Variants in IL23R observed in about 807,000 individuals in gnomAD.
IL23R encodes interleukin 23 receptor.
Under a neutral mutation model 56.9 loss-of-function variants are expected in IL23R, and 34 were observed. The observed-to-expected ratio is 0.60, with a 90% CI of 0.45 to 0.80. The LOEUF is 0.80. Among genes scored for constraint, IL23R ranks in the 30% least tolerant of loss-of-function variants. The probability of loss-of-function intolerance (pLI) is 0.00; values close to 1 mark genes in which losing one functional copy is unlikely to be tolerated. For missense variants in IL23R, 635 were observed against 730.0 expected, an observed-to-expected ratio of 0.87 and a Z score of 1.50; for synonymous variants, 230 against 249.2, an observed-to-expected ratio of 0.92 and a Z score of 0.73.
chr1:67,231,670 G>A (rs1030555272), intron 7 of IL23R, among the ~76,000 whole-genome samples: 6 of 152,104 alleles, frequency 3.9e-5, no homozygotes, highest in African/African-American at 1.4e-4. Context: ...ACATTAACTA[G>A]CCATAGCATG....
chr1:67,176,125 A>G (rs936892624), intron 3 of IL23R, among the ~76,000 whole-genome samples: 3 of 152,136 alleles, frequency 2.0e-5, no homozygotes, highest in Admixed American at 1.3e-4. Context: ...CTTAGCAACA[A>G]TGGTTTTGGT....
chr1:67,233,115 G>A lies in IL23R; in HGVS notation c.956-3598G>A, dbSNP rs185130926. ...TGTAATCCCAGCATTTTGGGAGGCT[G>A]AAGCAGGTGGATCACCTGAGGTCAG... On this transcript the variant is annotated intron_variant, in intron 7 of 10. Coordinates refer to ENST00000347310, the MANE Select transcript of IL23R (RefSeq NM_144701.3). Among the ~76,000 whole-genome samples, 147 of 143,040 alleles carry A rather than the reference G, an allele frequency of 1.0e-3. 1 individual carries two copies. Among genetic ancestry groups the A allele is most frequent in the African/African-American group, 3.7e-3 (142 of 38,662 alleles). The allele number at this position is 143,040 out of a possible 152,430, so 93.8% of individuals were successfully genotyped here.
chr1:67,220,743 C>G (rs937069878), intron 7 of IL23R, among the ~76,000 whole-genome samples: 1 of 152,170 alleles, frequency 6.6e-6, no homozygotes, highest in East Asian at 1.9e-4. Flanking sequence ...TGGTGGCCCA[C>G]GCCCATAGTC....
intron 9 of IL23R, among the ~76,000 whole-genome samples, chr1:67,245,543 C>A (rs993943190): frequency 3.3e-5 from 5 of 152,052 alleles, no homozygotes; most frequent in Admixed American, 2.6e-4. Context: ...TGTCAAAGGC[C>A]TTTTCTGCAT....
At chr1:67,244,150 T>C (rs1007131369) in intron 9 of IL23R, among the ~76,000 whole-genome samples, 2 of 152,158 alleles carry the variant, frequency 1.3e-5, no homozygotes, top group African/African-American at 4.8e-5. Context: ...CACTTTTTGA[T>C]GGGTTGGTTT....
At chr1:67,193,940 C>T (rs1025026519) in intron 4 of IL23R, among the ~76,000 whole-genome samples, 4 of 152,112 alleles carry the variant, frequency 2.6e-5, no homozygotes, top group Non-Finnish European at 4.4e-5. Flanking sequence ...TTTGACCAAC[C>T]GGCTAAAAAT....
intron 7 of IL23R, among the ~76,000 whole-genome samples, chr1:67,220,942 C>T (rs1020143589): frequency 6.6e-6 from 1 of 152,186 alleles, no homozygotes; most frequent in Admixed American, 6.5e-5. Flanking sequence ...GTCGAGAATG[C>T]AGTGAGCCAC....
chr1:67,156,333 T>A (rs1426668033), intron 1 of IL23R, among the ~76,000 whole-genome samples: 6 of 152,140 alleles, frequency 3.9e-5, no homozygotes, highest in Non-Finnish European at 8.8e-5. Flanking sequence ...GCTGGGAGAA[T>A]TCCTTTTGTC....
At chr1:67,153,026 GC>G (rs2102535164) in intron 1 of IL23R, among the ~76,000 whole-genome samples, 1 of 152,256 alleles carries the variant, frequency 6.6e-6, no homozygotes, top group South Asian at 2.1e-4. Context: ...AGGAATGGTA[GC>G]AGCTCCTCTT....
intron 1 of IL23R, among the ~76,000 whole-genome samples, chr1:67,146,447 G>C (rs1393851769): frequency 3.3e-5 from 5 of 152,150 alleles, no homozygotes; most frequent in Non-Finnish European, 5.9e-5. Context: ...CTGTGAAACA[G>C]CCTTTAATAT....
chr1:67,218,729 G>A (rs1023545417), intron 6 of IL23R, among the ~76,000 whole-genome samples: 1 of 151,774 alleles, frequency 6.6e-6, no homozygotes, highest in African/African-American at 2.4e-5. Context: ...ACCAGCCTGG[G>A]CAATATAATG....
intron 6 of IL23R, among the ~76,000 whole-genome samples, chr1:67,210,668 G>A (rs1304892845): frequency 1.3e-5 from 2 of 151,866 alleles, no homozygotes; most frequent in Non-Finnish European, 2.9e-5. Context: ...TTCTTGCCAT[G>A]TTGCCCAGGC....
chr1:67,154,352 T>C (rs1469012537), intron 1 of IL23R, among the ~76,000 whole-genome samples: 1 of 152,148 alleles, frequency 6.6e-6, no homozygotes, highest in Non-Finnish European at 1.5e-5. Context: ...ATAGTGACAG[T>C]GGGGTGTTAA....
intron 1 of IL23R, among the ~76,000 whole-genome samples, chr1:67,158,124 G>A (rs567475849): frequency 1.3e-5 from 2 of 152,190 alleles, no homozygotes; most frequent in South Asian, 2.1e-4. Context: ...GCTGAGGAAG[G>A]AGAATAGCTT....
At chr1:67,188,588 C>T (rs773545955) in intron 4 of IL23R, among the ~76,000 whole-genome samples, 1 of 152,154 alleles carries the variant, frequency 6.6e-6, no homozygotes, top group Non-Finnish European at 1.5e-5. Context: ...AAGTACAACA[C>T]AAAATGATGT....
chr1:67,184,719 T>C (rs1647234214), intron 4 of IL23R, among the ~76,000 whole-genome samples: 1 of 152,092 alleles, frequency 6.6e-6, no homozygotes, highest in Admixed American at 6.6e-5. Flanking sequence ...ACCCTTACTG[T>C]TTGCCAAGCA....
intron 3 of IL23R, among the ~76,000 whole-genome samples, chr1:67,180,729 A>G (rs1400226001): frequency 1.3e-5 from 2 of 152,094 alleles, no homozygotes; most frequent in African/African-American, 4.8e-5. Flanking sequence ...GGTCTTTACA[A>G]TTTGGCACGT....
chr1:67,258,457 A>G (rs747803472), intron 10 of IL23R, 21 bp from the exon 11 acceptor site: 3 of 1,581,830 alleles, frequency 1.9e-6, no homozygotes, highest in African/African-American at 2.7e-5. Flanking sequence ...TGCAAAATAA[A>G]ATGATGTCTT....
chr1:67,221,266 A>G (rs1650232070), intron 7 of IL23R, among the ~76,000 whole-genome samples: 1 of 152,116 alleles, frequency 6.6e-6, no homozygotes, highest in African/African-American at 2.4e-5. Flanking sequence ...GGTTGGAGTG[A>G]GCCGAGATCG....
Sources: gnomAD v4.1 joint callset for allele counts (sites outside exome capture counted in the v4.1 genomes callset) on GRCh38, gnomAD v4.1.1 for gene constraint, MANE v1.5 for transcripts, NCBI Gene and HGNC (gene_info 2026-07-23, HGNC 2026-07-21) for gene names.